The following CUX1 variants were observed in gnomAD, a reference collection of about 807,000 sequenced individuals.
The protein encoded by CUX1 is cut like homeobox 1.
A neutral mutation model predicts 158.8 loss-of-function variants in CUX1; 31 were observed. The observed-to-expected ratio is 0.20, with a 90% confidence interval of 0.15 to 0.26. The LOEUF is 0.26. CUX1 is among the 10% of genes least tolerant of loss of function. CUX1 has a pLI of 1.00. For synonymous variants in CUX1, 879 were observed against 862.1 expected, an observed-to-expected ratio of 1.02 and a Z score of -0.34; for missense variants, 1,589 against 2,014.6, an observed-to-expected ratio of 0.79 and a Z score of 4.04.
In CUX1 at chr7:102,254,517, A is replaced by C; in HGVS notation, c.*5475A>C. The C allele has an allele frequency of 1.0e-6, 1 of 985,518 alleles. No individual in the cohort carries two copies. Among genetic ancestry groups the C allele is most frequent in the Non-Finnish European group, 1.2e-6 (1 of 829,982 alleles). 61.0% of individuals were successfully genotyped at this position (985,518 alleles called of 1,614,324 possible). A position where few individuals can be genotyped will look rare whatever the true frequency, so the allele number is the denominator to read the frequency against. On this transcript the variant is annotated 3_prime_UTR_variant, in exon 24 of 24. Coordinates refer to ENST00000292535, the MANE Select transcript of CUX1 (RefSeq NM_181552.4). The stretch of plus-strand genomic sequence containing the variant: ...TTCCCATCCAGCACCGAAGAAAATC[A>C]GCTCCTGGGGCTGGTGGTTGGAGGT...
chr7:101,872,716 T>C (rs1159373218), intron 1 of CUX1, among the ~76,000 whole-genome samples: 2 of 152,110 alleles, frequency 1.3e-5, no homozygotes, highest in Non-Finnish European at 2.9e-5. Flanking sequence ...TTTGCACTTC[T>C]AGGTTAAAGT....
intron 2 of CUX1, among the ~76,000 whole-genome samples, chr7:101,989,981 G>A (rs17487076): frequency 0.15 from 22,344 of 152,234 alleles, 2,030 homozygotes; most frequent in Middle Eastern, 0.21. Flanking sequence ...CACCACAGTG[G>A]AGCCATGGCC....
chr7:101,835,795 GC>G (rs1368325857), intron 1 of CUX1, among the ~76,000 whole-genome samples: 2 of 152,200 alleles, frequency 1.3e-5, no homozygotes, highest in African/African-American at 4.8e-5. Context: ...GAGTGCAATG[GC>G]GCGATCTTGG....
At chr7:102,079,782 G>A (rs1157809832) in intron 4 of CUX1, among the ~76,000 whole-genome samples, 1 of 152,150 alleles carries the variant, frequency 6.6e-6, no homozygotes, top group Non-Finnish European at 1.5e-5. Flanking sequence ...ACAGAAAGAG[G>A]AACTGGGTCT....
intron 12 of CUX1, among the ~76,000 whole-genome samples, chr7:102,192,778 G>T (rs1794419496): frequency 6.6e-6 from 1 of 152,254 alleles, no homozygotes; most frequent in South Asian, 2.1e-4. Context: ...GCCTGCTCTG[G>T]GTCTCTCTCT....
chr7:102,243,281 TAAATG>T (rs782260656), intron 23 of CUX1, among the ~76,000 whole-genome samples: 7 of 151,872 alleles, frequency 4.6e-5, no homozygotes, highest in Non-Finnish European at 7.4e-5. Context: ...CTCAAAAAAA[TAAATG>T]AATCCCAGGT....
chr7:102,196,997 T>C lies in CUX1; in HGVS notation c.1586T>C (p.Val529Ala). ...AGTCCATTACAACAAAGCCCAGATG[T>C]CAATGGCATGGCCCCATCCCCCAGC... ...SQSPLQQSPD[V>A]NGMAPSPSQS... The change falls in exon 15 of 24, where the codon GTC becomes GCC. Residue 529 changes from valine to alanine, a missense_variant. Around this residue, in one of 8 missense-constraint regions of CUX1, gnomAD observed 515 missense variants for 574.4 expected, o/e 0.90. Coordinates refer to ENST00000292535, the MANE Select transcript of CUX1 (RefSeq NM_181552.4). The C allele has an allele frequency of 6.2e-7, 1 of 1,614,192 alleles. No homozygotes were observed. The highest frequency in any genetic ancestry group is 8.5e-7 in the Non-Finnish European group (1 of 1,180,036).
intron 4 of CUX1, among the ~76,000 whole-genome samples, chr7:102,072,658 G>A (rs1055408897): frequency 6.6e-6 from 1 of 152,214 alleles, no homozygotes; most frequent in African/African-American, 2.4e-5. Context: ...GGCGTGGCAA[G>A]TGGGGGTTTT....
intron 20 of CUX1, among the ~76,000 whole-genome samples, chr7:102,216,816 ACT>A (rs1243947817): frequency 2.2e-5 from 2 of 90,786 alleles, no homozygotes; most frequent in Non-Finnish European, 4.7e-5. Context: ...CCCCACACAC[ACT>A]CTCCCACCAC....
chr7:101,993,572 C>T (rs1298135240), intron 2 of CUX1, among the ~76,000 whole-genome samples: 2 of 152,162 alleles, frequency 1.3e-5, no homozygotes, highest in East Asian at 1.9e-4. Flanking sequence ...TGGCACTCTG[C>T]GCGACTGCTA....
At chr7:102,046,430 G>A (rs1028544762) in intron 3 of CUX1, among the ~76,000 whole-genome samples, 3 of 151,896 alleles carry the variant, frequency 2.0e-5, no homozygotes, top group East Asian at 1.9e-4. Flanking sequence ...ACAGGGTTTC[G>A]TCACGTTAGC....
In CUX1 at chr7:102,248,559, G is replaced by A. The variant is rs1554537879; in HGVS notation, c.4035G>A (p.Glu1345=). 8.0e-6 allele frequency: 12 copies of A among 1,496,596 alleles called. No homozygotes were observed. The Admixed American group carries it at 2.7e-4, about 34-fold the overall frequency. The allele number at this position is 1,496,596 out of a possible 1,614,324, so 92.7% of individuals were successfully genotyped here. ...GDSCDGVEAT[E]GPGSADTEEP... ...GCTGCGACGGCGTGGAGGCCACTGA[G>A]GGCCCAGGCAGCGCCGACACCGAGG... The change falls in exon 24 of 24, where the codon GAG becomes GAA. Residue 1345 remains glutamate, a synonymous_variant. Transcript: ENST00000292535. This position sits in a 1 kb window ranked among gnomAD's most constrained non-coding sequence, Gnocchi z 5.8.
chr7:102,278,903 C>T (rs1365746488), intron 18 of CUX1, among the ~76,000 whole-genome samples: 8 of 149,508 alleles, frequency 5.4e-5, no homozygotes, highest in African/African-American at 2.0e-4. Context: ...AGCCAGGCAT[C>T]GTGGCACGTG....
intron 3 of CUX1, among the ~76,000 whole-genome samples, chr7:102,040,757 C>T (rs1444312776): frequency 1.3e-5 from 2 of 152,190 alleles, no homozygotes; most frequent in Non-Finnish European, 2.9e-5. Context: ...CTCCAAAGAG[C>T]ATTTCACAGG....
At chr7:101,824,197 C>G (rs550034517) in intron 1 of CUX1, among the ~76,000 whole-genome samples, 2 of 152,344 alleles carry the variant, frequency 1.3e-5, no homozygotes, top group South Asian at 2.1e-4. Flanking sequence ...AAGTGATTCT[C>G]GTGCCTCAGC....
At chr7:102,131,660 TTTTTATTTTATTTATTTA>T (rs1833246857) in intron 8 of CUX1, among the ~76,000 whole-genome samples, 1 of 150,210 alleles carries the variant, frequency 6.7e-6, no homozygotes. Flanking sequence ...TTTTATTTAT[TTTTTATTTTATTTATTTA>T]TTTTTTTTTT....
intron 2 of CUX1, among the ~76,000 whole-genome samples, chr7:101,949,945 T>A (rs1341175227): frequency 6.6e-6 from 1 of 152,114 alleles, no homozygotes; most frequent in Non-Finnish European, 1.5e-5. Context: ...AGCTGGTGTC[T>A]CCTGGGCATC....
chr7:101,847,533 G>A (rs1049254505), intron 1 of CUX1, among the ~76,000 whole-genome samples: 3 of 152,116 alleles, frequency 2.0e-5, no homozygotes, highest in African/African-American at 7.2e-5. Flanking sequence ...GAAACAGCCA[G>A]TGATAAAACT....
exon 16 of CUX1, chr7:102,274,285 C>A: frequency 6.2e-7 from 1 of 1,613,668 alleles, no homozygotes; most frequent in South Asian, 1.1e-5. Flanking sequence ...CAGAGCCCAT[C>A]AAAGAGGCCA....
Sources: gnomAD v4.1 joint callset for allele counts (sites outside exome capture counted in the v4.1 genomes callset) on GRCh38, gnomAD v4.1.1 for gene constraint, gnomAD v4.1.1 regional missense constraint, Gnocchi (gnomAD v3.1) non-coding constraint, MANE v1.5 for transcripts, NCBI Gene and HGNC (gene_info 2026-07-23, HGNC 2026-07-21) for gene names.